FRAS1: variants seen among roughly 807,000 people sequenced by gnomAD.
FRAS1 encodes extracellular matrix organizing protein FRAS1.
In FRAS1, 290 loss-of-function variants were observed where a neutral mutation model predicts 435.2. That is an observed-to-expected ratio of 0.67 (90% CI 0.61 to 0.73). The LOEUF is 0.73. Among genes scored for constraint, FRAS1 ranks in the 30% least tolerant of loss-of-function variants. FRAS1 has a pLI of 0.00. For synonymous variants in FRAS1, 1,800 were observed against 1,851.0 expected, an observed-to-expected ratio of 0.97 and a Z score of 0.71; for missense variants, 4,860 against 5,001.5, an observed-to-expected ratio of 0.97 and a Z score of 0.85.
chr4:78,261,254 C>T (rs1271458406), intron 6 of FRAS1, among the ~76,000 whole-genome samples: 1 of 151,952 alleles, frequency 6.6e-6, no homozygotes, highest in Non-Finnish European at 1.5e-5. Flanking sequence ...TTGCTTCCTG[C>T]TTCTGTTTGA....
intron 2 of FRAS1, among the ~76,000 whole-genome samples, chr4:78,097,887 T>G (rs987013112): frequency 6.9e-6 from 1 of 145,406 alleles, no homozygotes; most frequent in South Asian, 2.2e-4. Flanking sequence ...AAGAGGAGAT[T>G]AAGATATAGC....
chr4:78,084,573 T>C (rs1741054582), intron 2 of FRAS1, among the ~76,000 whole-genome samples: 1 of 152,150 alleles, frequency 6.6e-6, no homozygotes, highest in African/African-American at 2.4e-5. Context: ...GCTCAGTTTG[T>C]CCCATCTTTG....
intron 61 of FRAS1, among the ~76,000 whole-genome samples, chr4:78,504,050 T>C (rs1466751912): frequency 1.3e-5 from 2 of 152,216 alleles, no homozygotes; most frequent in African/African-American, 4.8e-5. Flanking sequence ...TAATCCCGAG[T>C]GTTAATTTGA....
At chr4:78,372,978 T>A (rs1731576095) in intron 24 of FRAS1, 120 bp downstream of exon 24, 3 of 1,159,876 alleles carry the variant, frequency 2.6e-6, no homozygotes, top group Non-Finnish European at 3.6e-6. Context: ...CATTTCTGGT[T>A]TCTTTCCTAA....
intron 70 of FRAS1, among the ~76,000 whole-genome samples, chr4:78,533,358 G>A (rs1721779922): frequency 6.6e-6 from 1 of 152,166 alleles, no homozygotes; most frequent in Non-Finnish European, 1.5e-5. Flanking sequence ...TGGGGCACTA[G>A]AGATCATGGA....
At chr4:78,513,724 G>C (rs938429151) in intron 65 of FRAS1, among the ~76,000 whole-genome samples, 172 bp downstream of exon 65, 2 of 152,184 alleles carry the variant, frequency 1.3e-5, no homozygotes, top group African/African-American at 4.8e-5. Flanking sequence ...CAATGCAGTG[G>C]ACAGGAAGAA....
intron 29 of FRAS1, among the ~76,000 whole-genome samples, chr4:78,391,768 T>C (rs545890343): frequency 7.2e-5 from 11 of 152,332 alleles, no homozygotes; most frequent in East Asian, 1.9e-4. Flanking sequence ...GCTGTTTATC[T>C]GTAGTAAGGC....
At chr4:78,326,892 G>A (rs542425013) in intron 18 of FRAS1, among the ~76,000 whole-genome samples, 10 of 152,262 alleles carry the variant, frequency 6.6e-5, no homozygotes, top group African/African-American at 2.2e-4. Flanking sequence ...CACCCATTTA[G>A]TCAGCAGAAA....
At chr4:78,310,472 G>A (rs73827965) in intron 15 of FRAS1, among the ~76,000 whole-genome samples, 2,077 of 152,290 alleles carry the variant, frequency 0.014, 53 homozygotes, top group African/African-American at 0.047. Context: ...TACACATTTT[G>A]AAAAACATCT....
intron 61 of FRAS1, among the ~76,000 whole-genome samples, chr4:78,504,820 C>T (rs1720784159): frequency 6.6e-6 from 1 of 152,184 alleles, no homozygotes; most frequent in Non-Finnish European, 1.5e-5. Flanking sequence ...TTCATAGCAT[C>T]AATGGTCTTT....
At chr4:78,156,283 A>G (rs576104183) in intron 2 of FRAS1, among the ~76,000 whole-genome samples, 97 of 151,136 alleles carry the variant, frequency 6.4e-4, no homozygotes, top group Middle Eastern at 6.8e-3. Flanking sequence ...TTTAATGTCC[A>G]TATCTGAACA....
chr4:78,105,921 C>T (rs1475566253), intron 2 of FRAS1, among the ~76,000 whole-genome samples: 1 of 136,138 alleles, frequency 7.3e-6, no homozygotes, highest in Non-Finnish European at 1.6e-5. Context: ...CAGGGCAAGG[C>T]ATTGCCCCAC....
At chr4:78,515,126 A>G (rs1700587000) in intron 65 of FRAS1, among the ~76,000 whole-genome samples, 1 of 151,752 alleles carries the variant, frequency 6.6e-6, no homozygotes, top group Non-Finnish European at 1.5e-5. Context: ...TCAGCTCCCT[A>G]CTGCATAAAG....
At chr4:78,444,161 T>G (rs1305959522) in intron 41 of FRAS1, 1 of 455,808 alleles carries the variant, frequency 2.2e-6, no homozygotes. Context: ...AGTCACTACT[T>G]GGGCCATTTT....
At chr4:78,196,428 A>G (rs1359344775) in intron 2 of FRAS1, among the ~76,000 whole-genome samples, 1 of 152,116 alleles carries the variant, frequency 6.6e-6, no homozygotes, top group South Asian at 2.1e-4. Context: ...TAAATAATGA[A>G]TTTTTTCTGG....
chr4:78,252,357 T>C (rs776976588), intron 4 of FRAS1, 35 bp from the exon 5 acceptor site: 1 of 1,577,694 alleles, frequency 6.3e-7, no homozygotes, highest in Admixed American at 1.8e-5. Flanking sequence ...GTTTTGGCAC[T>C]AACCTTTTTT....
At chr4:78,197,610 A>G (rs1415880166) in intron 2 of FRAS1, among the ~76,000 whole-genome samples, 1 of 152,172 alleles carries the variant, frequency 6.6e-6, no homozygotes, top group African/African-American at 2.4e-5. Flanking sequence ...AGGTTGGGCA[A>G]GGAAAAAGTA....
chr4:78,191,263 C>A (rs1407244451), intron 2 of FRAS1, among the ~76,000 whole-genome samples: 1 of 152,204 alleles, frequency 6.6e-6, no homozygotes, highest in Admixed American at 6.5e-5. Flanking sequence ...TAGCACATGT[C>A]TGGATCTTCT....
chr4:78,481,045 C>T (rs1210011983), intron 56 of FRAS1, among the ~76,000 whole-genome samples: 2 of 152,202 alleles, frequency 1.3e-5, no homozygotes, highest in Non-Finnish European at 2.9e-5. Context: ...CCAGACCTTT[C>T]TACTATAGCA....
Sources: gnomAD v4.1 joint callset for allele counts (sites outside exome capture counted in the v4.1 genomes callset) on GRCh38, gnomAD v4.1.1 for gene constraint, MANE v1.5 for transcripts, NCBI Gene and HGNC (gene_info 2026-07-23, HGNC 2026-07-21) for gene names.